The following DCHS1 variants were observed in gnomAD, a reference collection of about 807,000 sequenced individuals.
The protein encoded by DCHS1 is protocadherin-16.
DCHS1 carries 78 observed loss-of-function variants against 213.9 expected under a neutral mutation model. The ratio of observed to expected loss-of-function variants is 0.36; its 90% CI spans 0.30 to 0.44. The LOEUF (loss-of-function observed/expected upper bound fraction) is 0.44, where lower values mean the gene tolerates loss of function less well. Ranked by LOEUF, DCHS1 falls within the 20% of genes least tolerant of loss-of-function variation. The pLI is 1.00. For missense variants in DCHS1, 3,946 were observed against 4,395.9 expected, an observed-to-expected ratio of 0.90 and a Z score of 2.89; for synonymous variants, 1,828 against 1,873.7, an observed-to-expected ratio of 0.98 and a Z score of 0.63.
At position 6,623,591 on chromosome 11, in the gene DCHS1, C is replaced by T; in HGVS notation, c.8085G>A (p.Glu2695=). The T allele has an allele frequency of 1.9e-6, 3 of 1,613,748 alleles. No homozygotes were observed. The highest frequency in any genetic ancestry group is 2.5e-6 in the Non-Finnish European group (3 of 1,179,856). The change falls in exon 21 of 21, where the codon GAG becomes GAA. Residue 2695 remains glutamate, a synonymous_variant. Transcript: ENST00000299441. ...AHFALAPVTI[E]VQDVNDHGPA... Reference sequence around the variant, plus strand: ...GGCCATGATCATTCACATCCTGGACCTCAATTGTCACTGGTGCCAAAGCAA... The same window carrying T: ...GGCCATGATCATTCACATCCTGGACTTCAATTGTCACTGGTGCCAAAGCAA...
At position 6,640,133 on chromosome 11, in the gene DCHS1, C is replaced by T. The variant is rs750652842; in HGVS notation, c.1481G>A (p.Arg494Gln). The change falls in exon 2 of 21, where the codon CGG (arginine) becomes CAG (glutamine). Residue 494 changes from arginine to glutamine, a missense_variant. Arg to Gln is a conservative substitution (Grantham distance 43). Around this residue, in one of 3 missense-constraint regions of DCHS1, gnomAD observed 3,384 missense variants for 3,780.1 expected, o/e 0.90. Coordinates refer to ENST00000299441, the MANE Select transcript of DCHS1 (RefSeq NM_003737.4). The surrounding 1 kb of genome is among the most constrained non-coding windows in gnomAD (Gnocchi z 6.5). ...TTGGTCAGGATCCCGAGCAGTCACCCGCACTACAAAGCTGCCAGGCAGCGC... is the reference window on the plus strand; with the variant it reads ...TTGGTCAGGATCCCGAGCAGTCACCTGCACTACAAAGCTGCCAGGCAGCGC... ...EVALPGSFVV[R>Q]VTARDPDQGT... The T allele has an allele frequency of 9.9e-6, 16 of 1,613,576 alleles. No homozygotes were observed. Among genetic ancestry groups the T allele is most frequent in the South Asian group, 6.6e-5 (6 of 91,012 alleles).
chr11:6,651,430 C>T (rs1856240988), intron 1 of DCHS1, among the ~76,000 whole-genome samples: 1 of 152,062 alleles, frequency 6.6e-6, no homozygotes, highest in South Asian at 2.1e-4. Context: ...GACTGGGAGG[C>T]TTGGGGAGGT....
At position 6,632,760 on chromosome 11, in the gene DCHS1, C is replaced by T. The variant is rs1298399754; in HGVS notation, c.2752G>A (p.Ala918Thr). Residue 918 changes from alanine to threonine, a missense_variant, in exon 6 of 21, where the codon GCT (alanine) becomes ACT (threonine). Around this residue, in one of 3 missense-constraint regions of DCHS1, gnomAD observed 3,384 missense variants for 3,780.1 expected, o/e 0.90. Transcript: ENST00000299441. This position sits in a 1 kb window ranked among gnomAD's most constrained non-coding sequence, Gnocchi z 5.9. Reference protein sequence around the residue: ...APGTPIYTLRALDPDSGVNSR... With the variant: ...APGTPIYTLRTLDPDSGVNSR... ...TTAACACCTGAGTCGGGGTCAAGAG[C>T]CCGCAGTGTATAGATGGGAGTCCCT... 4 of 1,612,752 alleles carry T rather than the reference C, an allele frequency of 2.5e-6. No individual in the cohort carries two copies. The highest frequency in any genetic ancestry group is 2.2e-5 in the South Asian group (2 of 90,812).
intron 1 of DCHS1, among the ~76,000 whole-genome samples, chr11:6,654,126 G>T (rs866627550): frequency 6.6e-6 from 1 of 152,122 alleles, no homozygotes; most frequent in East Asian, 1.9e-4. Context: ...GGAGATCTAC[G>T]TATGAGAAGG....
Position 6,622,354 on chromosome 11 carries a change from T to C in DCHS1, c.9322A>G (p.Arg3108Gly), listed in dbSNP as rs1855709913. Residue 3108 changes from arginine to glycine, a missense_variant, in exon 21 of 21, where the codon AGA (arginine) becomes GGA (glycine). Arg to Gly is a moderately radical substitution (Grantham distance 125). Transcript: ENST00000299441. The surrounding 1 kb of genome is among the most constrained non-coding windows in gnomAD (Gnocchi z 5.4). ...GCAGTGGCTGGGGGCCCCTCCTCTC[T>C]GTAGAGAGTGGCTCCTGCACCTGGC... ...LLPGAGATLY[R>G]EEGPPATATA... 1 of 1,587,898 alleles carries C rather than the reference T, an allele frequency of 6.3e-7. No individual in the cohort carries two copies. Among genetic ancestry groups the C allele is most frequent in the East Asian group, 2.3e-5 (1 of 43,798 alleles).
At chr11:6,652,707 T>A (rs966653758) in intron 1 of DCHS1, among the ~76,000 whole-genome samples, 1 of 152,108 alleles carries the variant, frequency 6.6e-6, no homozygotes, top group Admixed American at 6.5e-5. Flanking sequence ...AGGATGCAGA[T>A]AAAATTTGAG....
chr11:6,650,024 C>T (rs1472753535), intron 1 of DCHS1, among the ~76,000 whole-genome samples: 3 of 152,290 alleles, frequency 2.0e-5, no homozygotes, highest in South Asian at 4.2e-4. Flanking sequence ...TCCATTTTCA[C>T]CTGATGAAAG....
Position 6,625,433 on chromosome 11 carries a change from T to A in DCHS1, c.6911A>T (p.Asp2304Val). 6.2e-7 allele frequency: 1 copy of A among 1,601,572 alleles called. No individual in the cohort carries two copies. The highest frequency in any genetic ancestry group is 8.5e-7 in the Non-Finnish European group (1 of 1,172,962). ...CACATACCACAGCACGGGTCCTGAG[T>A]CCACATCATTCCCTGTTACCTGTGC... ...EIAQVTGNDVDSGPVLWYVLS... is the reference protein window; with the variant it reads ...EIAQVTGNDVVSGPVLWYVLS... The change falls in exon 19 of 21, where the codon GAC (aspartate) becomes GTC (valine). Residue 2304 changes from aspartate (D) to valine (V), a missense_variant. By Grantham distance (152) the Asp-to-Val change is radical. Coordinates refer to ENST00000299441, the MANE Select transcript of DCHS1 (RefSeq NM_003737.4). This position sits in a 1 kb window ranked among gnomAD's most constrained non-coding sequence, Gnocchi z 5.3.
intron 1 of DCHS1, 122 bp downstream of exon 1, chr11:6,655,441 C>A (rs996097899): frequency 8.5e-5 from 54 of 632,288 alleles, no homozygotes; most frequent in Middle Eastern, 7.8e-4. Flanking sequence ...CCAGGCCCCC[C>A]CTCCCCCATT....
intron 2 of DCHS1, among the ~76,000 whole-genome samples, chr11:6,638,980 AG>A (rs1281056671): frequency 6.6e-6 from 1 of 151,926 alleles, no homozygotes; most frequent in African/African-American, 2.4e-5. Context: ...GGTGTGGTGG[AG>A]GTGCCTGTAG....
At chr11:6,638,062 C>T (rs1589959411) in intron 2 of DCHS1, among the ~76,000 whole-genome samples, 1 of 152,278 alleles carries the variant, frequency 6.6e-6, no homozygotes, top group East Asian at 1.9e-4. Context: ...GAAGCCATAG[C>T]CCATTGGTCC....
chr11:6,625,548 A>C lies in DCHS1; in HGVS notation c.6862+49T>G. ...CCCACCTTGAGCTGCAGGGTGGAGA[A>C]AAATGTCTCTCTGCCACCCTTTATG... On this transcript the variant is annotated intron_variant, in intron 18 of 20. Coordinates refer to ENST00000299441, the MANE Select transcript of DCHS1 (RefSeq NM_003737.4). This position sits in a 1 kb window ranked among gnomAD's most constrained non-coding sequence, Gnocchi z 5.3. 2 of 1,612,094 alleles carry C rather than the reference A, an allele frequency of 1.2e-6. No homozygotes were observed. The highest frequency in any genetic ancestry group is 1.7e-6 in the Non-Finnish European group (2 of 1,179,388).
In DCHS1 at chr11:6,640,689, C is replaced by T. The variant is rs775346697; in HGVS notation, c.925G>A (p.Ala309Thr). Residue 309 changes from alanine to threonine, a missense_variant, in exon 2 of 21, where the codon GCA (alanine) becomes ACA (threonine). Around this residue, in one of 3 missense-constraint regions of DCHS1, gnomAD observed 3,384 missense variants for 3,780.1 expected, o/e 0.90. Transcript: ENST00000299441. The surrounding 1 kb of genome is among the most constrained non-coding windows in gnomAD (Gnocchi z 6.5). ...TCTAACTGCAGCAGCCCCGTGTGTG[C>T]GTCGATGGAGAAGGGTCCATCACCC... ...SEGDGPFSID[A>T]HTGLLQLERP... 1.6e-5 allele frequency: 26 copies of T among 1,613,318 alleles called. No homozygotes were observed. The South Asian group carries it at 2.2e-4, about 14-fold the overall frequency.
chr11:6,641,236 G>C lies in DCHS1; in HGVS notation c.378C>G (p.Thr126=). The part of the protein sequence containing the change: ...RFTAVTPDGA[T]VEVTVRVADI... ...CAGCCACTCGCACTGTAACTTCTAC[G>C]GTGGCACCATCAGGAGTGACTGCAG... Residue 126 remains threonine (T), a synonymous_variant, in exon 2 of 21, where the codon ACC becomes ACG. Transcript: ENST00000299441. This position sits in a 1 kb window ranked among gnomAD's most constrained non-coding sequence, Gnocchi z 7.1. 6.2e-7 allele frequency: 1 copy of C among 1,613,744 alleles called. No homozygotes were observed.
rs771495708 is a variant in DCHS1 at position 6,640,757 on chromosome 11, A to G, written c.857T>C (p.Val286Ala). Residue 286 changes from valine (V) to alanine (A), a missense_variant, in exon 2 of 21, where the codon GTC becomes GCC. Physicochemically the swap from Val to Ala is moderately conservative, Grantham distance 64 (BLOSUM62 0). Transcript: ENST00000299441. This position sits in a 1 kb window ranked among gnomAD's most constrained non-coding sequence, Gnocchi z 6.5. ...GATCTCGTAAGTCACAGCCCCATTG[A>G]CACCAGCATCGGCATCAGATGCGAA... ...QVFASDADAG[V>A]NGAVTYEINR... The G allele has an allele frequency of 6.2e-7, 1 of 1,613,868 alleles. No homozygotes were observed. Among genetic ancestry groups the G allele is most frequent in the East Asian group, 2.2e-5 (1 of 44,886 alleles).
At position 6,641,829 on chromosome 11, in the gene DCHS1, C is replaced by T. The variant is rs1564869861; in HGVS notation, c.-120-96G>A. The stretch of plus-strand genomic sequence containing the variant: ...CACATCAACATTCAGATATGCTCAG[C>T]CCCCAGCAGGCCCTTGTGCTGCCTC... On this transcript the variant is annotated intron_variant, in intron 1 of 20. Transcript: ENST00000299441. The surrounding 1 kb of genome is among the most constrained non-coding windows in gnomAD (Gnocchi z 7.1). 1 of 1,100,886 alleles carries T rather than the reference C, an allele frequency of 9.1e-7. No homozygotes were observed. The highest frequency in any genetic ancestry group is 1.2e-6 in the Non-Finnish European group (1 of 800,786). The allele number at this position is 1,100,886 out of a possible 1,614,324, so 68.2% of individuals were successfully genotyped here.
chr11:6,626,300 C>T lies in DCHS1; in HGVS notation c.6445G>A (p.Gly2149Arg), dbSNP rs1375610244. 3.7e-6 allele frequency: 6 copies of T among 1,613,270 alleles called. No individual in the cohort carries two copies. The highest frequency in any genetic ancestry group is 5.1e-6 in the Non-Finnish European group (6 of 1,179,656). ...AGCACAGTGAAGGCAAAGGCTCCTC[C>T]ACTCTCTGCCTGCAGCACCAGTCGC... ...RLRLVLQAES[G>R]GAFAFTVLTL... The change falls in exon 16 of 21, where the codon GGA becomes AGA. Residue 2149 changes from glycine (G) to arginine (R), a missense_variant. Gly to Arg is a moderately radical substitution (Grantham distance 125, BLOSUM62 -2). Coordinates refer to ENST00000299441, the MANE Select transcript of DCHS1 (RefSeq NM_003737.4). This position sits in a 1 kb window ranked among gnomAD's most constrained non-coding sequence, Gnocchi z 5.2.
At position 6,633,552 on chromosome 11, in the gene DCHS1, G is replaced by A; in HGVS notation, c.2315C>T (p.Pro772Leu). The change falls in exon 5 of 21, where the codon CCC (proline) becomes CTC (leucine). Residue 772 changes from proline to leucine, a missense_variant. Physicochemically the swap from Pro to Leu is moderately conservative, Grantham distance 98. Around this residue, in one of 3 missense-constraint regions of DCHS1, gnomAD observed 3,384 missense variants for 3,780.1 expected, o/e 0.90. Coordinates refer to ENST00000299441, the MANE Select transcript of DCHS1 (RefSeq NM_003737.4). The part of the protein sequence containing the change: ...AEDGGGLQAE[P>L]SARVDISIVP... Reference sequence around the variant, plus strand: ...AATGCTGATGTCCACTCGGGCACTGGGTTCTGCCTGTAGGCCACCTCCGTC... The same window carrying A: ...AATGCTGATGTCCACTCGGGCACTGAGTTCTGCCTGTAGGCCACCTCCGTC... 6.3e-7 allele frequency: 1 copy of A among 1,590,378 alleles called. No individual in the cohort carries two copies. The highest frequency in any genetic ancestry group is 8.6e-7 in the Non-Finnish European group (1 of 1,168,208).
chr11:6,641,057 C>A lies in DCHS1; in HGVS notation c.557G>T (p.Gly186Val), dbSNP rs758852525. The change falls in exon 2 of 21, where the codon GGG (glycine) becomes GTG (valine). Residue 186 changes from glycine (G) to valine (V), a missense_variant. Transcript: ENST00000299441. This position sits in a 1 kb window ranked among gnomAD's most constrained non-coding sequence, Gnocchi z 7.1. ...CTCCAGCCGGAAGGTCTCTCCAGCC[C>A]CATCACCAGATAGCGCATAGCCCTG... ...GTQGYALSGD[G>V]AGETFRLETR... 6.2e-7 allele frequency: 1 copy of A among 1,614,038 alleles called. No homozygotes were observed. The highest frequency in any genetic ancestry group is 8.5e-7 in the Non-Finnish European group (1 of 1,179,906).
Sources: gnomAD v4.1 joint callset for allele counts (sites outside exome capture counted in the v4.1 genomes callset) on GRCh38, gnomAD v4.1.1 for gene constraint, gnomAD v4.1.1 regional missense constraint, Gnocchi (gnomAD v3.1) non-coding constraint, MANE v1.5 for transcripts, NCBI Gene and HGNC (gene_info 2026-07-23, HGNC 2026-07-21) for gene names.